SNTG1: variants seen among roughly 807,000 people sequenced by gnomAD.
SNTG1 encodes gamma-1-syntrophin.
In SNTG1, 39 loss-of-function variants were observed where a neutral mutation model predicts 74.7. That is an observed-to-expected ratio of 0.52 (90% CI 0.40 to 0.68). The LOEUF is 0.68. Ranked by LOEUF, SNTG1 falls within the 30% of genes least tolerant of loss-of-function variation. The pLI, the probability that SNTG1 is intolerant of heterozygous loss-of-function variation, is 0.00. For synonymous variants in SNTG1, 254 were observed against 217.1 expected (o/e 1.17, Z -1.49); for missense variants, 685 against 609.5 (o/e 1.12, Z -1.30).
At chr8:50,488,723 G>A (rs930030552) in intron 8 of SNTG1, among the ~76,000 whole-genome samples, 22 of 152,082 alleles carry the variant, frequency 1.4e-4, no homozygotes, top group African/African-American at 5.3e-4. Flanking sequence ...AGCCCAGCAT[G>A]ACACTTGGCC....
chr8:50,188,456 G>T (rs182276652), intron 2 of SNTG1, among the ~76,000 whole-genome samples: 3 of 152,270 alleles, frequency 2.0e-5, no homozygotes, highest in East Asian at 3.9e-4. Flanking sequence ...ATCTCAGACA[G>T]TACGTGCACA....
At chr8:50,084,154 A>G (rs1398537168) in intron 1 of SNTG1, among the ~76,000 whole-genome samples, 1 of 152,150 alleles carries the variant, frequency 6.6e-6, no homozygotes, top group Non-Finnish European at 1.5e-5. Flanking sequence ...TGTATGCTAG[A>G]AAATATTTAA....
rs898120747 is a variant in SNTG1, at chr8:50,734,609, G to A, written c.1285-17392G>A. 2.0e-5 allele frequency among the ~76,000 whole-genome samples: 3 copies of A among 148,998 alleles called. 1 individual carries two copies. The highest frequency in any genetic ancestry group is 7.0e-3 in the Middle Eastern group (2 of 284). ...CCAGAATCTTTTCTTTCTAAATGGT[G>A]GCACTTTCTCTCTCTCTTTCGCTCT... On this transcript the variant is annotated intron_variant, in intron 17 of 18. Coordinates refer to ENST00000642720, the MANE Select transcript of SNTG1 (RefSeq NM_018967.5).
At chr8:50,665,440 A>G (rs560561196) in intron 15 of SNTG1, among the ~76,000 whole-genome samples, 5 of 151,882 alleles carry the variant, frequency 3.3e-5, no homozygotes, top group African/African-American at 9.7e-5. Flanking sequence ...ATGCATGTAT[A>G]TGTATGCAGC....
At chr8:50,663,765 C>A (rs1227074110) in intron 15 of SNTG1, among the ~76,000 whole-genome samples, 1 of 152,118 alleles carries the variant, frequency 6.6e-6, no homozygotes, top group Non-Finnish European at 1.5e-5. Context: ...CTTTTTCATT[C>A]TTTTTTGAAA....
intron 2 of SNTG1, among the ~76,000 whole-genome samples, chr8:50,322,557 TG>T (rs1217176725): frequency 6.6e-6 from 1 of 152,202 alleles, no homozygotes; most frequent in Non-Finnish European, 1.5e-5. Flanking sequence ...TTCTTGTATT[TG>T]AATATTGATA....
chr8:50,732,267 AACC>A (rs2095514667), intron 17 of SNTG1, among the ~76,000 whole-genome samples: 1 of 151,982 alleles, frequency 6.6e-6, no homozygotes, highest in African/African-American at 2.4e-5. Context: ...AGAATTTCAA[AACC>A]TTGCATTTAT....
chr8:50,264,478 G>A (rs1194484506), intron 2 of SNTG1, among the ~76,000 whole-genome samples: 1 of 151,848 alleles, frequency 6.6e-6, no homozygotes, highest in Non-Finnish European at 1.5e-5. Context: ...GTGGAGGTAG[G>A]AGAATCACTT....
At chr8:50,443,527 C>T (rs1195497488) in intron 5 of SNTG1, among the ~76,000 whole-genome samples, 1 of 152,076 alleles carries the variant, frequency 6.6e-6, no homozygotes, top group Non-Finnish European at 1.5e-5. Context: ...ATTTATGCCC[C>T]ACTTATTAAG....
intron 15 of SNTG1, among the ~76,000 whole-genome samples, chr8:50,681,430 A>C (rs2095330497): frequency 6.6e-6 from 1 of 152,172 alleles, no homozygotes; most frequent in Non-Finnish European, 1.5e-5. Context: ...ATGTTAAGTA[A>C]ATAAAAACAT....
chr8:50,480,384 T>C (rs1411207255), intron 8 of SNTG1, among the ~76,000 whole-genome samples: 1 of 152,144 alleles, frequency 6.6e-6, no homozygotes, highest in Non-Finnish European at 1.5e-5. Flanking sequence ...TGACTTGAGA[T>C]ATCTCAAAAG....
intron 1 of SNTG1, among the ~76,000 whole-genome samples, chr8:50,114,726 G>A (rs1032995324): frequency 2.0e-5 from 3 of 152,136 alleles, no homozygotes; most frequent in South Asian, 2.1e-4. Context: ...TTAGCTGGGC[G>A]TAGATGTGCA....
intron 13 of SNTG1, among the ~76,000 whole-genome samples, chr8:50,626,702 G>C (rs1019498632): frequency 6.6e-6 from 1 of 152,136 alleles, no homozygotes; most frequent in Non-Finnish European, 1.5e-5. Context: ...GCCTTTAAGC[G>C]GTTTTCTGCC....
chr8:50,104,831 G>A (rs1289414500), intron 1 of SNTG1, among the ~76,000 whole-genome samples: 2 of 152,042 alleles, frequency 1.3e-5, no homozygotes, highest in Non-Finnish European at 2.9e-5. Flanking sequence ...CCATGTGTAT[G>A]TCTTGTTTTG....
At chr8:50,288,538 C>T (rs1216464841) in intron 2 of SNTG1, among the ~76,000 whole-genome samples, 1 of 151,996 alleles carries the variant, frequency 6.6e-6, no homozygotes, top group African/African-American at 2.4e-5. Flanking sequence ...ACTGACAAAC[C>T]CAGCACTCTA....
At chr8:50,084,246 G>GGCAGGAA (rs1764126426) in intron 1 of SNTG1, among the ~76,000 whole-genome samples, 1 of 152,130 alleles carries the variant, frequency 6.6e-6, no homozygotes, top group Non-Finnish European at 1.5e-5. Flanking sequence ...AAGATCACGA[G>GGCAGGAA]GTCAAGAGAT....
intron 1 of SNTG1, among the ~76,000 whole-genome samples, chr8:50,014,388 G>A (rs1049181998): frequency 3.9e-4 from 60 of 152,044 alleles, no homozygotes; most frequent in Non-Finnish European, 1.0e-4. Flanking sequence ...AGTCACCTAG[G>A]GCTGTGATTT....
intron 18 of SNTG1, among the ~76,000 whole-genome samples, chr8:50,789,387 A>G (rs1429467842): frequency 6.6e-6 from 1 of 151,744 alleles, no homozygotes; most frequent in Non-Finnish European, 1.5e-5. Flanking sequence ...GTGCCCAGTC[A>G]TTTTCTCTAC....
chr8:50,062,972 T>G (rs1188816905), intron 1 of SNTG1, among the ~76,000 whole-genome samples: 1 of 152,230 alleles, frequency 6.6e-6, no homozygotes, highest in African/African-American at 2.4e-5. Flanking sequence ...AGCTAATGAC[T>G]GCAGACTTAG....
Sources: gnomAD v4.1 joint callset for allele counts (sites outside exome capture counted in the v4.1 genomes callset) on GRCh38, gnomAD v4.1.1 for gene constraint, MANE v1.5 for transcripts, NCBI Gene and HGNC (gene_info 2026-07-23, HGNC 2026-07-21) for gene names.